Variants in FRAS1 observed in about 807,000 individuals in gnomAD.
The protein encoded by FRAS1 is Fraser extracellular matrix complex subunit 1.
Under a neutral mutation model 435.2 loss-of-function variants are expected in FRAS1, and 290 were observed. The observed-to-expected ratio is 0.67, with a 90% CI of 0.61 to 0.73. The LOEUF (loss-of-function observed/expected upper bound fraction) is 0.73, where lower values mean the gene tolerates loss of function less well. FRAS1 is among the 30% of genes least tolerant of loss of function. The pLI, the probability that FRAS1 is intolerant of heterozygous loss-of-function variation, is 0.00. For synonymous variants in FRAS1, 1,800 were observed against 1,851.0 expected (o/e 0.97, Z 0.71); for missense variants, 4,860 against 5,001.5 (o/e 0.97, Z 0.85).
chr4:78,120,257 A>T (rs1042887296), intron 2 of FRAS1, among the ~76,000 whole-genome samples: 1 of 152,220 alleles, frequency 6.6e-6, no homozygotes, highest in Non-Finnish European at 1.5e-5. Flanking sequence ...TGTTTATGTG[A>T]GTTCAAATAA....
intron 2 of FRAS1, among the ~76,000 whole-genome samples, chr4:78,075,315 T>C (rs925805038): frequency 2.6e-5 from 4 of 152,156 alleles, no homozygotes; most frequent in Non-Finnish European, 4.4e-5. Context: ...GGGAGAAAGA[T>C]GGGAGACTTT....
In FRAS1 at chr4:78,467,949, A is replaced by T. The variant is rs188391426; in HGVS notation, c.7257+1514A>T. On this transcript the variant is annotated intron_variant, in intron 50 of 73. Transcript: ENST00000512123. ...AGATTTTTTCCTGTAGAGTTGTTTA[A>T]GTTCCTAATATATTCTGCTTATTAA... 5.9e-4 allele frequency among the ~76,000 whole-genome samples: 90 copies of T among 152,266 alleles called. No individual in the cohort carries two copies. In the East Asian group the frequency reaches 0.012, roughly 21 times the overall value.
intron 2 of FRAS1, among the ~76,000 whole-genome samples, chr4:78,116,160 T>C (rs1743157214): frequency 6.6e-6 from 1 of 152,236 alleles, no homozygotes; most frequent in African/African-American, 2.4e-5. Context: ...GTCTTAATCC[T>C]GAGTTCTAGT....
chr4:78,168,509 A>AT lies in FRAS1; in HGVS notation c.109-68991dup, dbSNP rs888205493. Among the ~76,000 whole-genome samples, 22 of 149,958 alleles carry AT rather than the reference A, an allele frequency of 1.5e-4. 1 individual carries two copies. Among genetic ancestry groups the AT allele is most frequent in the African/African-American group, 5.1e-4 (21 of 40,990 alleles). ...ATATAAACCTAATCTAAAACTTCAA[A>AT]TTTTTTTTTTCCTTGAGTAGGCACA... On this transcript the variant is annotated intron_variant, in intron 2 of 73. Transcript: ENST00000512123.
chr4:78,517,130 G>C (rs1456289274), intron 66 of FRAS1, among the ~76,000 whole-genome samples: 1 of 152,198 alleles, frequency 6.6e-6, no homozygotes, highest in Admixed American at 6.5e-5. Flanking sequence ...CTCACTGAAG[G>C]AGAGAAATTA....
chr4:78,150,839 A>T (rs1720626292), intron 2 of FRAS1, among the ~76,000 whole-genome samples: 1 of 152,234 alleles, frequency 6.6e-6, no homozygotes. Flanking sequence ...TGAGTGCAGA[A>T]AGATGTTTGC....
chr4:78,452,291 G>T lies in FRAS1; in HGVS notation c.6700G>T (p.Glu2234Ter). 1.2e-6 allele frequency: 2 copies of T among 1,613,248 alleles called. No homozygotes were observed. Among genetic ancestry groups the T allele is most frequent in the South Asian group, 1.1e-5 (1 of 90,814 alleles). Residue 2234 changes from glutamate to a stop codon, truncating the protein, a stop_gained, in exon 47 of 74, where the codon GAA becomes TAA. Coordinates refer to ENST00000512123, the MANE Select transcript of FRAS1 (RefSeq NM_025074.7). LOFTEE classifies it high-confidence loss of function. ...SATDQDSGPT[E>*]LIYRITRQPQ... ...CACTGACCAGGACAGTGGGCCTACAGAATTGATCTACAGAATCACCAGACA... is the reference window on the plus strand; with the variant it reads ...CACTGACCAGGACAGTGGGCCTACATAATTGATCTACAGAATCACCAGACA...
At chr4:78,229,649 A>G (rs947065013) in intron 2 of FRAS1, among the ~76,000 whole-genome samples, 7 of 152,128 alleles carry the variant, frequency 4.6e-5, no homozygotes, top group Non-Finnish European at 2.9e-5. Context: ...GAGATTTGAA[A>G]TGGTAAGACT....
chr4:78,443,001 G>A (rs1306231798), intron 41 of FRAS1, among the ~76,000 whole-genome samples: 1 of 152,196 alleles, frequency 6.6e-6, no homozygotes, highest in Non-Finnish European at 1.5e-5. Context: ...CCCATCTCTT[G>A]CCCCATGGAA....
chr4:78,265,781 C>T (rs1229354692), intron 7 of FRAS1, among the ~76,000 whole-genome samples: 2 of 152,156 alleles, frequency 1.3e-5, no homozygotes, highest in Non-Finnish European at 2.9e-5. Context: ...CAATTACTTC[C>T]CTTACTCGCC....
At chr4:78,091,829 A>G (rs1741540558) in intron 2 of FRAS1, among the ~76,000 whole-genome samples, 1 of 151,876 alleles carries the variant, frequency 6.6e-6, no homozygotes, top group South Asian at 2.1e-4. Flanking sequence ...GACCAAATGA[A>G]TATATTTTTA....
At chr4:78,498,502 G>A (rs1330920986) in intron 60 of FRAS1, among the ~76,000 whole-genome samples, 1 of 98,672 alleles carries the variant, frequency 1.0e-5, no homozygotes, top group Non-Finnish European at 2.2e-5. Context: ...ACAAAACTCT[G>A]TCTCAAAGAA....
At chr4:78,194,480 C>T (rs1722705790) in intron 2 of FRAS1, among the ~76,000 whole-genome samples, 1 of 152,150 alleles carries the variant, frequency 6.6e-6, no homozygotes, top group South Asian at 2.1e-4. Context: ...TCTTTTTATT[C>T]TTTTTTCTCT....
intron 54 of FRAS1, 123 bp from the exon 55 acceptor site, chr4:78,477,692 C>A: frequency 8.1e-7 from 1 of 1,232,718 alleles, no homozygotes. Context: ...GCTGGGAGAA[C>A]CAGCTATTTC....
At chr4:78,165,904 C>T (rs1721316562) in intron 2 of FRAS1, among the ~76,000 whole-genome samples, 1 of 152,172 alleles carries the variant, frequency 6.6e-6, no homozygotes, top group Admixed American at 6.5e-5. Flanking sequence ...GTCATTTCTA[C>T]CACATTCTGT....
intron 62 of FRAS1, 75 bp from the exon 63 acceptor site, chr4:78,508,656 T>C: frequency 6.7e-7 from 1 of 1,495,892 alleles, no homozygotes; most frequent in Non-Finnish European, 9.1e-7. Context: ...CTTGTGGATC[T>C]CTAAAGAAAG....
intron 63 of FRAS1, among the ~76,000 whole-genome samples, chr4:78,509,650 G>C (rs1487085142): frequency 6.6e-6 from 1 of 152,174 alleles, no homozygotes; most frequent in Non-Finnish European, 1.5e-5. Context: ...AAAGCTTAGA[G>C]ACCAACACCC....
intron 6 of FRAS1, among the ~76,000 whole-genome samples, chr4:78,258,170 G>T (rs1175327924): frequency 6.6e-6 from 1 of 151,898 alleles, no homozygotes; most frequent in Non-Finnish European, 1.5e-5. Context: ...GCAAAACCCT[G>T]TGTCTACAAA....
At chr4:78,230,754 A>T (rs933959179) in intron 2 of FRAS1, among the ~76,000 whole-genome samples, 4 of 152,188 alleles carry the variant, frequency 2.6e-5, no homozygotes, top group Non-Finnish European at 4.4e-5. Flanking sequence ...GTTAATTTTT[A>T]AAAATTTTAC....
Sources: allele counts gnomAD v4.1 joint callset (sites outside exome capture counted in the v4.1 genomes callset), GRCh38; gene constraint gnomAD v4.1.1; transcripts MANE v1.5; gene names NCBI Gene and HGNC (gene_info 2026-07-23, HGNC 2026-07-21).